The following CAB39 variants were observed in gnomAD, a reference collection of about 807,000 sequenced individuals.
The protein encoded by CAB39 is calcium binding protein 39.
In CAB39, 8 loss-of-function variants were observed where a neutral mutation model predicts 40.0. The observed-to-expected ratio is 0.20, with a 90% confidence interval of 0.12 to 0.36. The LOEUF (loss-of-function observed/expected upper bound fraction) is 0.36, where lower values mean the gene tolerates loss of function less well. Ranked by LOEUF, CAB39 falls within the 10% of genes least tolerant of loss-of-function variation. The pLI is 1.00. For missense variants in CAB39, 270 were observed against 401.1 expected, an observed-to-expected ratio of 0.67 and a Z score of 2.79; for synonymous variants, 156 against 141.6, an observed-to-expected ratio of 1.10 and a Z score of -0.72.
chr2:230,728,541 A>G (rs553295437), intron 1 of CAB39, among the ~76,000 whole-genome samples: 27 of 152,210 alleles, frequency 1.8e-4, no homozygotes, highest in African/African-American at 5.5e-4. Context: ...GCTCAGAGCA[A>G]TCCACCTGCC....
chr2:230,790,039 G>A (rs1253087950), intron 2 of CAB39, among the ~76,000 whole-genome samples: 1 of 152,058 alleles, frequency 6.6e-6, no homozygotes, highest in African/African-American at 2.4e-5. Context: ...GCCTGAGCAA[G>A]ATGGCAAAAC....
At chr2:230,796,784 A>G (rs1428013891) in intron 4 of CAB39, among the ~76,000 whole-genome samples, 1 of 152,176 alleles carries the variant, frequency 6.6e-6, no homozygotes, top group East Asian at 1.9e-4. Context: ...AGGACTTAAG[A>G]TGGGAGTTCC....
intron 6 of CAB39, among the ~76,000 whole-genome samples, chr2:230,812,918 A>G (rs1011802963): frequency 6.6e-5 from 10 of 152,180 alleles, no homozygotes; most frequent in African/African-American, 2.4e-4. Context: ...GTTCCAGAAA[A>G]ACTTTTCACA....
intron 2 of CAB39, among the ~76,000 whole-genome samples, chr2:230,763,932 A>G (rs1257154215): frequency 6.6e-6 from 1 of 152,092 alleles, no homozygotes; most frequent in Non-Finnish European, 1.5e-5. Context: ...GACTAGCATG[A>G]CCAACATAGT....
chr2:230,763,656 G>A (rs2124923457), intron 2 of CAB39, among the ~76,000 whole-genome samples: 1 of 152,034 alleles, frequency 6.6e-6, no homozygotes, highest in African/African-American at 2.4e-5. Context: ...AGAAAAAAGA[G>A]CAGTATTTTA....
In CAB39 at chr2:230,818,829, T is replaced by C; in HGVS notation, c.*125T>C. The stretch of plus-strand genomic sequence containing the variant: ...CTGCTGTTAAGTGAACGGTTTTTCA[T>C]TTTACCCTTTTGTTTTTCAGTCCAG... On this transcript the variant is annotated 3_prime_UTR_variant, in exon 9 of 9. Coordinates refer to ENST00000258418, the MANE Select transcript of CAB39 (RefSeq NM_016289.4). 1 of 772,330 alleles carries C rather than the reference T, an allele frequency of 1.3e-6. No homozygotes were observed. Among genetic ancestry groups the C allele is most frequent in the Non-Finnish European group, 2.1e-6 (1 of 485,702 alleles). The allele number at this position is 772,330 out of a possible 1,614,324, so 47.8% of individuals were successfully genotyped here. A position where few individuals can be genotyped will look rare whatever the true frequency, so the allele number is the denominator to read the frequency against.
chr2:230,771,638 G>A (rs1331982141), intron 2 of CAB39, among the ~76,000 whole-genome samples: 2 of 152,218 alleles, frequency 1.3e-5, no homozygotes, highest in Admixed American at 1.3e-4. Context: ...AAGTGCAAAA[G>A]ACCTGGAGTA....
At position 230,818,882 on chromosome 2, in the gene CAB39, C is replaced by T. The variant is rs879355943; in HGVS notation, c.*178C>T. The T allele has an allele frequency of 1.9e-6, 1 of 539,884 alleles. No homozygotes were observed. The highest frequency in any genetic ancestry group is 3.2e-5 in the East Asian group (1 of 30,948). The allele number at this position is 539,884 out of a possible 1,614,324, so 33.4% of individuals were successfully genotyped here. ...TGGAGATCGTAGCTGCTGCTGCTTGCACACTAGGGCACATGTGGGCTTTCT... is the reference window on the plus strand; with the variant it reads ...TGGAGATCGTAGCTGCTGCTGCTTGTACACTAGGGCACATGTGGGCTTTCT... On this transcript the variant is annotated 3_prime_UTR_variant, in exon 9 of 9. Coordinates refer to ENST00000258418, the MANE Select transcript of CAB39 (RefSeq NM_016289.4).
chr2:230,750,641 A>G (rs1181449396), intron 1 of CAB39, among the ~76,000 whole-genome samples: 3 of 152,190 alleles, frequency 2.0e-5, no homozygotes, highest in Non-Finnish European at 2.9e-5. Context: ...AGTTATCACA[A>G]CTTAGTTGCA....
chr2:230,756,358 C>T (rs1695189669), intron 1 of CAB39, among the ~76,000 whole-genome samples: 1 of 152,164 alleles, frequency 6.6e-6, no homozygotes, highest in Non-Finnish European at 1.5e-5. Flanking sequence ...ACACAAAGCA[C>T]TAAGTGATAG....
At chr2:230,752,105 T>G (rs1480215690) in intron 1 of CAB39, 1 of 138,154 alleles carries the variant, frequency 7.2e-6, no homozygotes, top group Non-Finnish European at 1.5e-5. Flanking sequence ...TTATGTGCTT[T>G]TAAAAAGCAA....
chr2:230,735,733 T>C (rs1694777844), intron 1 of CAB39, among the ~76,000 whole-genome samples: 1 of 151,896 alleles, frequency 6.6e-6, no homozygotes, highest in South Asian at 2.1e-4. Flanking sequence ...CAGGCTGGTC[T>C]TGAACTCCTG....
At position 230,817,774 on chromosome 2, in the gene CAB39, A is replaced by G. The variant is rs1696428223; in HGVS notation, c.714A>G (p.Leu238=). The G allele has an allele frequency of 3.7e-6, 6 of 1,607,016 alleles. No individual in the cohort carries two copies. The highest frequency in any genetic ancestry group is 4.3e-6 in the Non-Finnish European group (5 of 1,176,288). Residue 238 remains leucine (L), a synonymous_variant, in exon 8 of 9, where the codon CTA becomes CTG. Transcript: ENST00000258418. ...CTCAGCTTCTCGGTGAACTACTACT[A>G]GATAGACACAACTTCACAATTATGA... The part of the protein sequence containing the change: ...QSLKLLGELL[L]DRHNFTIMTK...
intron 7 of CAB39, among the ~76,000 whole-genome samples, chr2:230,815,835 G>C (rs554666791): frequency 6.6e-6 from 1 of 152,302 alleles, no homozygotes; most frequent in South Asian, 2.1e-4. Context: ...CACATGGAGC[G>C]GCTTCAGCAC....
At chr2:230,792,401 C>T (rs1390682666) in intron 3 of CAB39, among the ~76,000 whole-genome samples, 3 of 152,144 alleles carry the variant, frequency 2.0e-5, no homozygotes, top group Admixed American at 1.3e-4. Flanking sequence ...TGAGCTAGTG[C>T]GGGGCCCAGG....
intron 1 of CAB39, among the ~76,000 whole-genome samples, chr2:230,719,162 ATTAG>A (rs1034891032): frequency 1.3e-5 from 2 of 152,242 alleles, no homozygotes; most frequent in Non-Finnish European, 2.9e-5. Flanking sequence ...ATTAACAAAA[ATTAG>A]TTAGCTTGGG....
chr2:230,772,478 G>C (rs1695498937), intron 2 of CAB39, among the ~76,000 whole-genome samples: 1 of 148,348 alleles, frequency 6.7e-6, no homozygotes, highest in South Asian at 2.1e-4. Flanking sequence ...TTGGAAAATA[G>C]TTTGGCAGGT....
intron 6 of CAB39, among the ~76,000 whole-genome samples, chr2:230,813,089 A>AAGC (rs1696332489): frequency 6.6e-6 from 1 of 152,210 alleles, no homozygotes; most frequent in African/African-American, 2.4e-5. Context: ...AGTCTCAGGA[A>AAGC]AGCACGAAGA....
chr2:230,807,894 T>C (rs1331982132), intron 5 of CAB39, among the ~76,000 whole-genome samples: 1 of 152,100 alleles, frequency 6.6e-6, no homozygotes, highest in African/African-American at 2.4e-5. Context: ...GCAAGTTCCT[T>C]CTGCTGTACT....
Sources: allele counts gnomAD v4.1 joint callset (sites outside exome capture counted in the v4.1 genomes callset), GRCh38; gene constraint gnomAD v4.1.1; transcripts MANE v1.5; gene names NCBI Gene and HGNC (gene_info 2026-07-23, HGNC 2026-07-21).